STXBP5L: variants seen among roughly 807,000 people sequenced by gnomAD.
The protein encoded by STXBP5L is syntaxin binding protein 5L, also known as syntaxin-binding protein 5-like.
STXBP5L carries 65 observed loss-of-function variants against 144.5 expected under a neutral mutation model. The ratio of observed to expected loss-of-function variants is 0.45; its 90% CI spans 0.37 to 0.55. The LOEUF is 0.55. Ranked by LOEUF, STXBP5L falls within the 20% of genes least tolerant of loss-of-function variation. STXBP5L has a pLI of 0.00. For synonymous variants in STXBP5L, 505 were observed against 469.6 expected, an observed-to-expected ratio of 1.08 and a Z score of -0.97; for missense variants, 1,298 against 1,405.5, an observed-to-expected ratio of 0.92 and a Z score of 1.22.
At chr3:121,219,041 C>T (rs979259779) in intron 10 of STXBP5L, among the ~76,000 whole-genome samples, 1 of 152,076 alleles carries the variant, frequency 6.6e-6, no homozygotes, top group African/African-American at 2.4e-5. Context: ...AATAATACAA[C>T]TATGTGTAAA....
chr3:121,094,303 C>G (rs1440678770), intron 5 of STXBP5L, among the ~76,000 whole-genome samples: 1 of 152,178 alleles, frequency 6.6e-6, no homozygotes. Context: ...TGGTGCAGAG[C>G]TGAGTCCAAT....
chr3:121,348,701 G>C (rs1053269925), intron 20 of STXBP5L, among the ~76,000 whole-genome samples: 8 of 151,900 alleles, frequency 5.3e-5, no homozygotes, highest in South Asian at 2.1e-4. Context: ...TGTATGTGTC[G>C]AGGAATTTAT....
chr3:121,308,379 T>A lies in STXBP5L; in HGVS notation c.2111-10096T>A, dbSNP rs191310870. On this transcript the variant is annotated intron_variant, in intron 19 of 26. Transcript: ENST00000471454. The stretch of plus-strand genomic sequence containing the variant: ...AGAATTTATTACTAGCAGAGCCACC[T>A]TACAAGAAATACTACGGGAAGTTTT... Among the ~76,000 whole-genome samples, 93 of 152,290 alleles carry A rather than the reference T, an allele frequency of 6.1e-4. No homozygotes were observed. In the East Asian group the frequency reaches 0.016, roughly 26 times the overall value.
At chr3:121,121,776 T>C in intron 7 of STXBP5L, 72 bp downstream of exon 7, 1 of 1,139,730 alleles carries the variant, frequency 8.8e-7, no homozygotes, top group Non-Finnish European at 1.3e-6. Context: ...CTTACTATTA[T>C]TTTATATCTA....
At chr3:121,341,431 G>A (rs2044707958) in intron 20 of STXBP5L, among the ~76,000 whole-genome samples, 1 of 152,114 alleles carries the variant, frequency 6.6e-6, no homozygotes, top group Non-Finnish European at 1.5e-5. Context: ...ATGTAAATTA[G>A]TACAGCCACT....
chr3:121,153,383 G>A (rs1402422717), intron 8 of STXBP5L, among the ~76,000 whole-genome samples: 1 of 151,964 alleles, frequency 6.6e-6, no homozygotes, highest in Non-Finnish European at 1.5e-5. Context: ...TGAAAATGGT[G>A]GGAGTAGGAA....
intron 2 of STXBP5L, among the ~76,000 whole-genome samples, chr3:120,925,718 A>G (rs909857592): frequency 1.3e-5 from 2 of 151,870 alleles, no homozygotes; most frequent in Non-Finnish European, 2.9e-5. Context: ...TCTTTTCTTC[A>G]TTTCTTCCTT....
chr3:121,071,226 C>A (rs879666410), intron 5 of STXBP5L, among the ~76,000 whole-genome samples: 1 of 152,186 alleles, frequency 6.6e-6, no homozygotes, highest in Non-Finnish European at 1.5e-5. Context: ...GCAGCATTTG[C>A]AAAGATAACA....
In STXBP5L at chr3:121,180,891, A is replaced by C. The variant is rs543027616; in HGVS notation, c.877+23264A>C. Among the ~76,000 whole-genome samples, 27 of 151,810 alleles carry C rather than the reference A, an allele frequency of 1.8e-4. No individual in the cohort carries two copies. In the East Asian group the frequency reaches 5.1e-3, roughly 29 times the overall value. On this transcript the variant is annotated intron_variant, in intron 9 of 26. Transcript: ENST00000471454. ...TCTGACTTGAAAAGAAAAAGAAGAG[A>C]AGACAAGAGAAGAGAAGAGAAAAGA...
chr3:121,038,768 T>A (rs1253928291), intron 3 of STXBP5L, among the ~76,000 whole-genome samples: 1 of 151,940 alleles, frequency 6.6e-6, no homozygotes. Flanking sequence ...TATTTTAAGC[T>A]CTGTAATTAG....
At chr3:121,339,863 T>A (rs1175125666) in intron 20 of STXBP5L, among the ~76,000 whole-genome samples, 1 of 147,460 alleles carries the variant, frequency 6.8e-6, no homozygotes, top group Non-Finnish European at 1.5e-5. Flanking sequence ...GTGAAAGAGC[T>A]CTACAAGGAG....
At chr3:121,057,747 C>T (rs1179695129) in intron 5 of STXBP5L, among the ~76,000 whole-genome samples, 1 of 151,844 alleles carries the variant, frequency 6.6e-6, no homozygotes, top group Non-Finnish European at 1.5e-5. Context: ...TTAAACTTAA[C>T]TTTTGCATTT....
intron 22 of STXBP5L, among the ~76,000 whole-genome samples, chr3:121,385,472 C>T (rs1347473624): frequency 1.3e-5 from 2 of 152,122 alleles, no homozygotes; most frequent in Non-Finnish European, 2.9e-5. Flanking sequence ...TCTAATACGT[C>T]CCATTAGGCC....
chr3:121,103,699 A>G (rs77287884), intron 5 of STXBP5L, among the ~76,000 whole-genome samples: 106 of 152,300 alleles, frequency 7.0e-4, no homozygotes, highest in African/African-American at 2.4e-3. Context: ...ATAAAAAGAT[A>G]AGACAGTATA....
At chr3:121,355,417 C>T (rs1206091284) in intron 20 of STXBP5L, among the ~76,000 whole-genome samples, 3 of 152,108 alleles carry the variant, frequency 2.0e-5, no homozygotes, top group African/African-American at 7.2e-5. Flanking sequence ...CTTGCTTTCT[C>T]ACTTTATTTC....
At chr3:121,000,979 T>A (rs1402180134) in intron 3 of STXBP5L, among the ~76,000 whole-genome samples, 1 of 152,206 alleles carries the variant, frequency 6.6e-6, no homozygotes, top group Non-Finnish European at 1.5e-5. Flanking sequence ...GTTAACCATT[T>A]GATGTACTCA....
At chr3:121,302,276 G>T (rs2051947476) in intron 19 of STXBP5L, among the ~76,000 whole-genome samples, 1 of 152,136 alleles carries the variant, frequency 6.6e-6, no homozygotes, top group Non-Finnish European at 1.5e-5. Flanking sequence ...TCTTAGGAGG[G>T]TGTATGTGTT....
At chr3:121,341,342 C>G (rs2044703643) in intron 20 of STXBP5L, among the ~76,000 whole-genome samples, 1 of 152,132 alleles carries the variant, frequency 6.6e-6, no homozygotes, top group Non-Finnish European at 1.5e-5. Flanking sequence ...TATCTCACGC[C>G]AGTTGAAATG....
chr3:121,078,542 C>T (rs1289101096), intron 5 of STXBP5L, among the ~76,000 whole-genome samples: 1 of 152,258 alleles, frequency 6.6e-6, no homozygotes, highest in Non-Finnish European at 1.5e-5. Flanking sequence ...CACTCCTCAG[C>T]CCTTGGGTGG....
Sources: gnomAD v4.1 joint callset for allele counts (sites outside exome capture counted in the v4.1 genomes callset) on GRCh38, gnomAD v4.1.1 for gene constraint, MANE v1.5 for transcripts, NCBI Gene and HGNC (gene_info 2026-07-23, HGNC 2026-07-21) for gene names.